SLC44A5: variants seen among roughly 807,000 people sequenced by gnomAD.
SLC44A5 encodes choline transporter-like protein 5.
SLC44A5 carries 57 observed loss-of-function variants against 101.8 expected under a neutral mutation model. The observed-to-expected ratio is 0.56, with a 90% CI of 0.45 to 0.70. SLC44A5 has a LOEUF of 0.70. Ranked by LOEUF, SLC44A5 falls within the 30% of genes least tolerant of loss-of-function variation. The pLI is 0.00. For missense variants in SLC44A5, 737 were observed against 853.1 expected (o/e 0.86, Z 1.70); for synonymous variants, 281 against 290.9 (o/e 0.97, Z 0.35).
chr1:75,683,270 G>A, the SLC44A5 span, among the ~76,000 whole-genome samples: 2 of 152,054 alleles, frequency 1.3e-5, no homozygotes, highest in Admixed American at 6.6e-5. Context: ...ATACCCAAAG[G>A]ACTATAAATC....
intron 10 of SLC44A5, 35 bp from the exon 11 acceptor site, chr1:75,237,105 T>C (rs778001717): frequency 2.4e-6 from 3 of 1,268,536 alleles, no homozygotes; most frequent in Non-Finnish European, 3.4e-6. Flanking sequence ...CAATTATTTT[T>C]TGATGACCAC....
At chr1:75,414,678 G>A (rs1004905850) in intron 2 of SLC44A5, among the ~76,000 whole-genome samples, 10 of 152,172 alleles carry the variant, frequency 6.6e-5, no homozygotes, top group African/African-American at 2.4e-4. Flanking sequence ...TGGAAAGACA[G>A]GCAGGAGTTA....
intron 5 of SLC44A5, among the ~76,000 whole-genome samples, chr1:75,295,932 A>G (rs916036590): frequency 6.6e-6 from 1 of 152,246 alleles, no homozygotes; most frequent in Non-Finnish European, 1.5e-5. Context: ...TTATTGCCCC[A>G]AAACAATAAA....
the SLC44A5 span, among the ~76,000 whole-genome samples, chr1:75,688,084 A>T: frequency 2.6e-5 from 4 of 152,180 alleles, no homozygotes; most frequent in Non-Finnish European, 5.9e-5. Flanking sequence ...GTTTGCCCTG[A>T]TGAGTGACAA....
chr1:75,432,962 AC>A (rs1468956635), intron 2 of SLC44A5, among the ~76,000 whole-genome samples: 4 of 151,746 alleles, frequency 2.6e-5, no homozygotes, highest in African/African-American at 9.7e-5. Context: ...AAATCTCTCT[AC>A]CTGTGCTTGG....
the SLC44A5 span, among the ~76,000 whole-genome samples, chr1:75,676,535 G>A: frequency 1.3e-5 from 2 of 152,230 alleles, no homozygotes; most frequent in East Asian, 1.9e-4. Flanking sequence ...ACACACTGGG[G>A]CTTGTTGGGA....
At chr1:75,718,493 C>G in the SLC44A5 span, among the ~76,000 whole-genome samples, 5 of 152,184 alleles carry the variant, frequency 3.3e-5, no homozygotes, top group Non-Finnish European at 4.4e-5. Flanking sequence ...GACTGGAGGA[C>G]ATAAAATGAT....
At chr1:75,208,386 T>C (rs904864355) in intron 23 of SLC44A5, among the ~76,000 whole-genome samples, 5 of 152,212 alleles carry the variant, frequency 3.3e-5, no homozygotes, top group African/African-American at 1.2e-4. Flanking sequence ...CTCGAACTCC[T>C]GATCTCAAGT....
At chr1:75,471,343 A>G (rs1667096696) in intron 2 of SLC44A5, among the ~76,000 whole-genome samples, 1 of 151,488 alleles carries the variant, frequency 6.6e-6, no homozygotes, top group South Asian at 2.1e-4. Flanking sequence ...AAAAATTTCA[A>G]ATCCCTCTCC....
intron 2 of SLC44A5, among the ~76,000 whole-genome samples, chr1:75,525,910 C>T (rs189954459): frequency 2.6e-5 from 4 of 152,106 alleles, no homozygotes; most frequent in African/African-American, 9.6e-5. Context: ...AGTATACAAG[C>T]GTTCATATTG....
chr1:75,250,414 T>C (rs144428546), intron 7 of SLC44A5, among the ~76,000 whole-genome samples: 2,983 of 152,334 alleles, frequency 0.02, 95 homozygotes, highest in African/African-American at 0.069. Flanking sequence ...GATGGGCATT[T>C]AGATTGATTC....
intron 5 of SLC44A5, among the ~76,000 whole-genome samples, chr1:75,283,296 C>A (rs1652768808): frequency 6.6e-6 from 1 of 151,924 alleles, no homozygotes; most frequent in African/African-American, 2.4e-5. Flanking sequence ...TGTATATCTT[C>A]TTTTGAGAAT....
At chr1:75,484,481 G>C (rs1371159591) in intron 2 of SLC44A5, among the ~76,000 whole-genome samples, 2 of 152,188 alleles carry the variant, frequency 1.3e-5, no homozygotes, top group African/African-American at 4.8e-5. Context: ...TACAGCCTCA[G>C]ACAGCTCCAC....
At chr1:75,370,532 G>A (rs1042400192) in intron 3 of SLC44A5, among the ~76,000 whole-genome samples, 7 of 152,138 alleles carry the variant, frequency 4.6e-5, no homozygotes, top group South Asian at 2.1e-4. Flanking sequence ...ATTTTGGACC[G>A]CTCAGTGAAC....
the SLC44A5 span, among the ~76,000 whole-genome samples, chr1:75,628,669 G>T: frequency 6.6e-6 from 1 of 152,132 alleles, no homozygotes; most frequent in Non-Finnish European, 1.5e-5. Flanking sequence ...CAAGAGAAAG[G>T]TTCATGTCAT....
At chr1:75,322,617 G>A (rs890455785) in intron 4 of SLC44A5, among the ~76,000 whole-genome samples, 4 of 152,086 alleles carry the variant, frequency 2.6e-5, no homozygotes, top group Non-Finnish European at 5.9e-5. Flanking sequence ...GCAAATCTTG[G>A]ATTTAGAACC....
chr1:75,291,038 A>C (rs1157310609), intron 5 of SLC44A5, among the ~76,000 whole-genome samples: 1 of 152,208 alleles, frequency 6.6e-6, no homozygotes, highest in Non-Finnish European at 1.5e-5. Flanking sequence ...GAATTGAAGA[A>C]AACAGAAAAA....
At chr1:75,390,690 T>A (rs538123703) in intron 3 of SLC44A5, among the ~76,000 whole-genome samples, 15 of 152,212 alleles carry the variant, frequency 9.9e-5, no homozygotes, top group African/African-American at 2.9e-4. Flanking sequence ...TAAAGAAGCA[T>A]ACCTCAAAAT....
chr1:75,308,944 ATAAG>A (rs1655102050), intron 4 of SLC44A5, among the ~76,000 whole-genome samples: 1 of 152,216 alleles, frequency 6.6e-6, no homozygotes, highest in African/African-American at 2.4e-5. Flanking sequence ...TCAAATTTTA[ATAAG>A]TAAATAAAAA....
Sources: gnomAD v4.1 joint callset for allele counts (sites outside exome capture counted in the v4.1 genomes callset) on GRCh38, gnomAD v4.1.1 for gene constraint, MANE v1.5 for transcripts, NCBI Gene and HGNC (gene_info 2026-07-23, HGNC 2026-07-21) for gene names.